Variants in TOX2 observed in about 807,000 individuals in gnomAD.
TOX2 encodes the protein granulosa cell HMG box 1.
Under a neutral mutation model 47.4 loss-of-function variants are expected in TOX2, and 15 were observed. The ratio of observed to expected loss-of-function variants is 0.32; its 90% CI spans 0.21 to 0.49. The LOEUF (loss-of-function observed/expected upper bound fraction) is 0.49. TOX2 is among the 20% of genes least tolerant of loss of function. The pLI, the probability that TOX2 is intolerant of heterozygous loss-of-function variation, is 0.99. For synonymous variants in TOX2, 290 were observed against 296.6 expected (o/e 0.98, Z 0.23); for missense variants, 622 against 673.1 (o/e 0.92, Z 0.84).
intron 1 of TOX2, among the ~76,000 whole-genome samples, chr20:43,924,229 T>C (rs2143557): frequency 0.92 from 139,529 of 152,186 alleles, 64,027 homozygotes; most frequent in East Asian, 0.98. Flanking sequence ...CTTTTAGTGA[T>C]GGTCACTCAC....
intron 1 of TOX2, among the ~76,000 whole-genome samples, chr20:43,945,084 G>A (rs1441052637): frequency 1.3e-5 from 2 of 152,114 alleles, no homozygotes; most frequent in African/African-American, 4.8e-5. Flanking sequence ...GAGTGGAAAG[G>A]AACCAGGGGA....
At chr20:44,037,243 G>A (rs1393668203) in intron 3 of TOX2, among the ~76,000 whole-genome samples, 3 of 152,306 alleles carry the variant, frequency 2.0e-5, no homozygotes, top group Non-Finnish European at 4.4e-5. Flanking sequence ...CATGAGCCAT[G>A]GCGCCCAGTC....
chr20:43,916,009 G>GC lies in TOX2; in HGVS notation c.99+1020dup, dbSNP rs2069051073. 1.6e-6 allele frequency: 1 copy of GC among 621,838 alleles called. No individual in the cohort carries two copies. Among genetic ancestry groups the GC allele is most frequent in the African/African-American group, 2.0e-5 (1 of 50,340 alleles). The allele number at this position is 621,838 out of a possible 1,614,324, so 38.5% of individuals were successfully genotyped here. A position where few individuals can be genotyped will look rare whatever the true frequency, so the allele number is the denominator to read the frequency against. On this transcript the variant is annotated intron_variant, in intron 1 of 8. Coordinates refer to ENST00000341197, the MANE Select transcript of TOX2 (RefSeq NM_001098797.2). This position sits in a 1 kb window ranked among gnomAD's most constrained non-coding sequence, Gnocchi z 5.0. ...TGGGTTGGGTGCCTCTAAGCAGTCC[G>GC]CGTCCCCTTCGGTCGCCGGAGAGGG...
rs763525942 is a variant in TOX2, at chr20:44,065,902, C to T, written c.1151C>T (p.Pro384Leu). The change falls in exon 7 of 9, where the codon CCA (proline) becomes CTA (leucine). Residue 384 changes from proline to leucine, a missense_variant. By Grantham distance (98) the Pro-to-Leu change is moderately conservative (BLOSUM62 -3). Coordinates refer to ENST00000341197, the MANE Select transcript of TOX2 (RefSeq NM_001098797.2). ...ARTLGSKSLL[P>L]GLSASPPPPP... Reference sequence around the variant, plus strand: ...ACGCTGGGCTCCAAGTCTCTGCTGCCAGGCCTCAGTGCGTCCCCGCCGCCG... The same window carrying T: ...ACGCTGGGCTCCAAGTCTCTGCTGCTAGGCCTCAGTGCGTCCCCGCCGCCG... 3.1e-6 allele frequency: 5 copies of T among 1,611,958 alleles called. No individual in the cohort carries two copies. In the South Asian group the frequency reaches 5.5e-5, roughly 18 times the overall value.
At chr20:43,920,011 A>C (rs4812764) in intron 1 of TOX2, among the ~76,000 whole-genome samples, 6 of 152,014 alleles carry the variant, frequency 3.9e-5, no homozygotes, top group Non-Finnish European at 8.8e-5. Flanking sequence ...GATTGGATTC[A>C]GTTGGTCTGG....
chr20:43,953,558 T>C (rs904098643), intron 1 of TOX2, among the ~76,000 whole-genome samples: 3 of 152,136 alleles, frequency 2.0e-5, no homozygotes, highest in East Asian at 1.9e-4. Context: ...TCCACGTCTG[T>C]AGGAATGCAG....
At chr20:44,061,404 A>G (rs1386039369) in intron 5 of TOX2, among the ~76,000 whole-genome samples, 1 of 152,128 alleles carries the variant, frequency 6.6e-6, no homozygotes, top group Non-Finnish European at 1.5e-5. Context: ...AACAACAACA[A>G]AAAAACGAAA....
intron 3 of TOX2, among the ~76,000 whole-genome samples, chr20:44,009,314 C>T (rs34184945): frequency 0.035 from 5,342 of 152,140 alleles, 108 homozygotes; most frequent in African/African-American, 0.054. Context: ...GTTTTTGAAG[C>T]TAGGTGGGAA....
chr20:43,956,559 T>TAAA (rs11474983), intron 1 of TOX2, among the ~76,000 whole-genome samples: 11 of 120,472 alleles, frequency 9.1e-5, no homozygotes, highest in African/African-American at 3.2e-4. Flanking sequence ...GTTCTATCTT[T>TAAA]AAAAAAAAAA....
Position 44,064,839 on chromosome 20 carries a change from G to A in TOX2, c.942G>A (p.Arg314=), listed in dbSNP as rs1292132940. The part of the protein sequence containing the change: ...KEYLKALAAY[R]ASLVSKSSPD... ...ATCTGAAGGCCCTGGCAGCCTACCG[G>A]GCTAGCCTCGTCTCCAAGGTAACAC... Residue 314 remains arginine (R), a synonymous_variant, in exon 6 of 9, where the codon CGG becomes CGA. Coordinates refer to ENST00000341197, the MANE Select transcript of TOX2 (RefSeq NM_001098797.2). The A allele has an allele frequency of 1.9e-6, 3 of 1,614,100 alleles. No homozygotes were observed. The highest frequency in any genetic ancestry group is 1.1e-5 in the South Asian group (1 of 91,088).
At position 43,914,923 on chromosome 20, in the gene TOX2, C is replaced by T; in HGVS notation, c.32C>T (p.Ala11Val). Residue 11 changes from alanine to valine, a missense_variant, in exon 1 of 9, where the codon GCG becomes GTG. Ala to Val is a moderately conservative substitution (Grantham distance 64). Transcript: ENST00000341197. The surrounding 1 kb of genome is among the most constrained non-coding windows in gnomAD (Gnocchi z 4.5). ...GTCCGCCTGTACCCCTCGGCGCCCG[C>T]GGTGGGCGCGCGGCCCGGGGCCGAG... MDVRLYPSAP[A>V]VGARPGAEPA... The T allele has an allele frequency of 1.7e-6, 2 of 1,174,554 alleles. No homozygotes were observed. The highest frequency in any genetic ancestry group is 2.1e-6 in the Non-Finnish European group (2 of 953,264). 72.8% of individuals were successfully genotyped at this position (1,174,554 alleles called of 1,614,324 possible).
intron 1 of TOX2, among the ~76,000 whole-genome samples, chr20:43,944,724 G>A (rs1033629432): frequency 6.6e-6 from 1 of 152,176 alleles, no homozygotes; most frequent in African/African-American, 2.4e-5. Context: ...CAGCTCTGTG[G>A]TGCTTCCTCA....
At chr20:43,928,783 G>T (rs2069210909) in intron 1 of TOX2, among the ~76,000 whole-genome samples, 1 of 152,046 alleles carries the variant, frequency 6.6e-6, no homozygotes, top group African/African-American at 2.4e-5. Flanking sequence ...GAGCCATGGT[G>T]GCCACCATCA....
At chr20:43,998,089 A>G (rs946688840) in intron 2 of TOX2, among the ~76,000 whole-genome samples, 4 of 152,218 alleles carry the variant, frequency 2.6e-5, no homozygotes, top group Admixed American at 6.5e-5. Context: ...TCATGGTAGA[A>G]GGGTGAAAGG....
chr20:43,945,587 C>T, intron 1 of TOX2: 1 of 298,412 alleles, frequency 3.4e-6, no homozygotes, highest in Non-Finnish European at 6.6e-6. Flanking sequence ...GTGCAACACC[C>T]CTCCCAAGGC....
chr20:44,066,715 C>T lies in TOX2; in HGVS notation c.1357-15C>T, dbSNP rs774400968. ...TCTCTCCTTGGCTCATGGCCTCCTC[C>T]TTCCCACTCTGTAGGACTTCCCGCA... On this transcript the variant is annotated splice_polypyrimidine_tract_variant and intron_variant, in intron 7 of 8. Coordinates refer to ENST00000341197, the MANE Select transcript of TOX2 (RefSeq NM_001098797.2). The T allele has an allele frequency of 1.2e-5, 19 of 1,613,974 alleles. No individual in the cohort carries two copies. Among genetic ancestry groups the T allele is most frequent in the Non-Finnish European group, 1.4e-5 (17 of 1,179,988 alleles).
At chr20:44,056,904 T>C (rs1489692146) in intron 5 of TOX2, among the ~76,000 whole-genome samples, 5 of 152,148 alleles carry the variant, frequency 3.3e-5, no homozygotes, top group Admixed American at 3.3e-4. Context: ...GATAATTTTG[T>C]CTCCTTTGTT....
Position 44,054,533 on chromosome 20 carries a change from C to T in TOX2, c.879+7C>T, listed in dbSNP as rs1346448179. On this transcript the variant is annotated splice_region_variant and intron_variant, in intron 5 of 8. Coordinates refer to ENST00000341197, the MANE Select transcript of TOX2 (RefSeq NM_001098797.2). ...GGGAGAGGAACAGAAGCAGGTGAGC[C>T]TCCCTCTCTTTCTGGGCCATCCCCT... The T allele has an allele frequency of 6.2e-7, 1 of 1,612,376 alleles. No individual in the cohort carries two copies. The highest frequency in any genetic ancestry group is 1.1e-5 in the South Asian group (1 of 90,830).
At chr20:44,036,397 G>A (rs540033611) in intron 3 of TOX2, among the ~76,000 whole-genome samples, 21 of 152,192 alleles carry the variant, frequency 1.4e-4, no homozygotes, top group Non-Finnish European at 2.5e-4. Context: ...CAGCTGTGCC[G>A]CCTACGGCCA....
Sources: gnomAD v4.1 joint callset for allele counts (sites outside exome capture counted in the v4.1 genomes callset) on GRCh38, gnomAD v4.1.1 for gene constraint, Gnocchi (gnomAD v3.1) non-coding constraint, MANE v1.5 for transcripts, NCBI Gene and HGNC (gene_info 2026-07-23, HGNC 2026-07-21) for gene names.